ARAP1: variants seen among roughly 807,000 people sequenced by gnomAD.
The protein encoded by ARAP1 is ArfGAP with RhoGAP domain, ankyrin repeat and PH domain 1.
In ARAP1, 76 loss-of-function variants were observed where a neutral mutation model predicts 172.2. The ratio of observed to expected loss-of-function variants is 0.44; its 90% CI spans 0.37 to 0.53. ARAP1 has a LOEUF of 0.53. ARAP1 is among the 20% of genes least tolerant of loss of function. The pLI is 0.00. For missense variants in ARAP1, 1,686 were observed against 1,977.5 expected, an observed-to-expected ratio of 0.85 and a Z score of 2.80; for synonymous variants, 804 against 803.3, an observed-to-expected ratio of 1.00 and a Z score of -0.01.
At chr11:72,685,793 C>A (rs1425020222) in intron 34 of ARAP1, 112 bp from the exon 35 acceptor site, 3 of 1,473,208 alleles carry the variant, frequency 2.0e-6, no homozygotes, top group Non-Finnish European at 2.8e-6. Flanking sequence ...CCGGGGAGCA[C>A]TCCAATCAGC....
At chr11:72,711,382 C>A in intron 8 of ARAP1, 48 bp downstream of exon 8, 1 of 1,586,722 alleles carries the variant, frequency 6.3e-7, no homozygotes, top group African/African-American at 1.3e-5. Context: ...GTGTTGGGGC[C>A]AGCCTAGGCT....
Position 72,693,667 on chromosome 11 carries a change from T to C in ARAP1, c.3808+25A>G, listed in dbSNP as rs552535698. ...CTGGAAGAGAGGACCACCCGGAGCCTGGCCACCCTGCAGGCACCACCTACC... is the reference window on the plus strand; with the variant it reads ...CTGGAAGAGAGGACCACCCGGAGCCCGGCCACCCTGCAGGCACCACCTACC... On this transcript the variant is annotated intron_variant, in intron 28 of 34. Transcript: ENST00000393609. This position sits in a 1 kb window ranked among gnomAD's most constrained non-coding sequence, Gnocchi z 4.6. The C allele has an allele frequency of 1.1e-5, 17 of 1,578,834 alleles. No individual in the cohort carries two copies. In the South Asian group the frequency reaches 1.3e-4, roughly 12 times the overall value.
intron 3 of ARAP1, among the ~76,000 whole-genome samples, chr11:72,722,584 G>T (rs976747086): frequency 2.0e-5 from 3 of 152,224 alleles, no homozygotes; most frequent in South Asian, 2.1e-4. Flanking sequence ...CGCAAGTTCT[G>T]CCCTGGCAAC....
At chr11:72,745,240 G>A (rs895235709) in intron 1 of ARAP1, among the ~76,000 whole-genome samples, 1 of 145,368 alleles carries the variant, frequency 6.9e-6, no homozygotes, top group Non-Finnish European at 1.5e-5. Context: ...CCAGGCTGGA[G>A]TGCAGTGGCT....
intron 1 of ARAP1, among the ~76,000 whole-genome samples, chr11:72,749,606 G>A (rs1362911720): frequency 6.6e-6 from 1 of 151,912 alleles, no homozygotes; most frequent in Admixed American, 6.6e-5. Context: ...TCTCCCAGCC[G>A]GGAGTGGTGG....
rs532055299 is a variant in ARAP1 at position 72,726,995 on chromosome 11, C to T, written c.134G>A (p.Arg45His). Reference protein sequence around the residue: ...ATECQGLSDTRLMDMGMLLPG... With the variant: ...ATECQGLSDTHLMDMGMLLPG... ...GAGTAGCATGCCCATGTCCATCAGGCGGGTGTCGCTGAGGCCTTGGCACTC... is the reference window on the plus strand; with the variant it reads ...GAGTAGCATGCCCATGTCCATCAGGTGGGTGTCGCTGAGGCCTTGGCACTC... Residue 45 changes from arginine to histidine, a missense_variant, in exon 3 of 35, where the codon CGC becomes CAC. Arg to His is a conservative substitution (Grantham distance 29). Coordinates refer to ENST00000393609, the MANE Select transcript of ARAP1 (RefSeq NM_001040118.3). This position sits in a 1 kb window ranked among gnomAD's most constrained non-coding sequence, Gnocchi z 6.5. 44 of 1,605,520 alleles carry T rather than the reference C, an allele frequency of 2.7e-5. No individual in the cohort carries two copies. The highest frequency in any genetic ancestry group is 2.7e-4 in the East Asian group (12 of 44,488).
chr11:72,697,061 C>T lies in ARAP1; in HGVS notation c.3088G>A (p.Ala1030Thr). 4 of 1,610,352 alleles carry T rather than the reference C, an allele frequency of 2.5e-6. No individual in the cohort carries two copies. Among genetic ancestry groups the T allele is most frequent in the Non-Finnish European group, 2.5e-6 (3 of 1,179,942 alleles). The part of the protein sequence containing the change: ...GEQHVDDVSS[A>T]LKRFLRDLPD... ...AGGTCGCGCAGGAAGCGCTTGAGCGCCGAGGAAACATCATCCACGTGCTGC... is the reference window on the plus strand; with the variant it reads ...AGGTCGCGCAGGAAGCGCTTGAGCGTCGAGGAAACATCATCCACGTGCTGC... Residue 1030 changes from alanine (A) to threonine (T), a missense_variant, in exon 22 of 35, where the codon GCG becomes ACG. Physicochemically the swap from Ala to Thr is moderately conservative, Grantham distance 58. Transcript: ENST00000393609.
rs1856932842 is a variant in ARAP1 at position 72,709,891 on chromosome 11, G to A, written c.1502C>T (p.Thr501Ile). The A allele has an allele frequency of 1.2e-6, 2 of 1,614,054 alleles. No homozygotes were observed. The highest frequency in any genetic ancestry group is 3.3e-5 in the Admixed American group (2 of 60,014). ...TCACCTGAAGATGCGGTAGGGCGTGGTGAGGTCGAAGCTGCGCCGGTCCAC... is the reference window on the plus strand; with the variant it reads ...TCACCTGAAGATGCGGTAGGGCGTGATGAGGTCGAAGCTGCGCCGGTCCAC... Reference protein sequence around the residue: ...KEVDRRSFDLTTPYRIFSFSA... With the variant: ...KEVDRRSFDLITPYRIFSFSA... The change falls in exon 11 of 35, where the codon ACC becomes ATC. Residue 501 changes from threonine (T) to isoleucine (I), a missense_variant. By Grantham distance (89) the Thr-to-Ile change is moderately conservative. Around this residue, in one of 5 missense-constraint regions of ARAP1, gnomAD observed 688 missense variants for 856.9 expected, o/e 0.80. Transcript: ENST00000393609.
chr11:72,685,938 G>A (rs1369124933), intron 34 of ARAP1, 104 bp downstream of exon 34: 2 of 1,594,020 alleles, frequency 1.3e-6, no homozygotes, highest in Non-Finnish European at 1.7e-6. Flanking sequence ...GGGGCCGGAG[G>A]GCAATCGGGG....
chr11:72,726,999 T>C lies in ARAP1; in HGVS notation c.130A>G (p.Thr44Ala). The change falls in exon 3 of 35, where the codon ACC becomes GCC. Residue 44 changes from threonine (T) to alanine (A), a missense_variant. Physicochemically the swap from Thr to Ala is moderately conservative, Grantham distance 58 (BLOSUM62 0). Around this residue, in one of 5 missense-constraint regions of ARAP1, gnomAD observed 190 missense variants for 228.6 expected, o/e 0.83. Coordinates refer to ENST00000393609, the MANE Select transcript of ARAP1 (RefSeq NM_001040118.3). This position sits in a 1 kb window ranked among gnomAD's most constrained non-coding sequence, Gnocchi z 6.5. ...WATECQGLSD[T>A]RLMDMGMLLP... ...AGCATGCCCATGTCCATCAGGCGGG[T>C]GTCGCTGAGGCCTTGGCACTCAGTG... 1 of 1,605,552 alleles carries C rather than the reference T, an allele frequency of 6.2e-7. No homozygotes were observed. The highest frequency in any genetic ancestry group is 8.5e-7 in the Non-Finnish European group (1 of 1,176,412).
chr11:72,750,258 G>A (rs1029997478), intron 1 of ARAP1, among the ~76,000 whole-genome samples: 2 of 152,166 alleles, frequency 1.3e-5, no homozygotes, highest in Non-Finnish European at 2.9e-5. Flanking sequence ...AGTGAGGGGC[G>A]GGGGGCCAGG....
rs1856945783 is a variant in ARAP1 at position 72,710,129 on chromosome 11, A to G, written c.1417-153T>C. Reference sequence around the variant, plus strand: ...GGGACATGGGAGGCTGGGCAGGGTAAGGGGCTGCAGGTTCAGGGCCCACAC... The same window carrying G: ...GGGACATGGGAGGCTGGGCAGGGTAGGGGGCTGCAGGTTCAGGGCCCACAC... On this transcript the variant is annotated intron_variant, in intron 10 of 34. Coordinates refer to ENST00000393609, the MANE Select transcript of ARAP1 (RefSeq NM_001040118.3). The surrounding 1 kb of genome is among the most constrained non-coding windows in gnomAD (Gnocchi z 4.3). Among the ~76,000 whole-genome samples the G allele has an allele frequency of 6.6e-6, 1 of 150,650 alleles. No homozygotes were observed. The highest frequency in any genetic ancestry group is 1.5e-5 in the Non-Finnish European group (1 of 67,696).
intron 5 of ARAP1, 162 bp from the exon 6 acceptor site, chr11:72,712,730 A>C: frequency 8.6e-7 from 1 of 1,163,620 alleles, no homozygotes; most frequent in Non-Finnish European, 1.2e-6. Flanking sequence ...CGGAGACCAC[A>C]CAGAGACCCA....
chr11:72,709,805 TCG>T, intron 11 of ARAP1, 63 bp downstream of exon 11: 1 of 1,554,212 alleles, frequency 6.4e-7, no homozygotes, highest in South Asian at 1.1e-5. Context: ...GCTTCCCACG[TCG>T]CGCAAAAGGA....
At position 72,695,545 on chromosome 11, in the gene ARAP1, G is replaced by C. The variant is rs765555817; in HGVS notation, c.3504C>G (p.Thr1168=). ...KMRVAGTASG[T]QHAGDFICTV... is the part of the protein sequence containing the mutation. ...CCACCCAGGCTCCAGCCTTCACCTG[G>C]GTCCCACTGGCAGTGCCAGCCACGC... Residue 1168 remains threonine, a synonymous_variant, in exon 25 of 35, where the codon ACC becomes ACG. Coordinates refer to ENST00000393609, the MANE Select transcript of ARAP1 (RefSeq NM_001040118.3). This position sits in a 1 kb window ranked among gnomAD's most constrained non-coding sequence, Gnocchi z 4.4. The C allele has an allele frequency of 6.2e-7, 1 of 1,614,120 alleles. No homozygotes were observed. The highest frequency in any genetic ancestry group is 1.1e-5 in the South Asian group (1 of 91,082).
intron 2 of ARAP1, among the ~76,000 whole-genome samples, chr11:72,732,119 T>A (rs2135578551): frequency 6.6e-6 from 1 of 152,314 alleles, no homozygotes; most frequent in Non-Finnish European, 1.5e-5. Context: ...CCCTTCTGTA[T>A]CTTTTAAATT....
At chr11:72,739,516 C>A (rs994938004) in intron 1 of ARAP1, among the ~76,000 whole-genome samples, 8 of 152,186 alleles carry the variant, frequency 5.3e-5, no homozygotes, top group African/African-American at 1.4e-4. Context: ...GGGCCCCCTC[C>A]CCACCCAGTA....
chr11:72,709,138 A>G (rs1856898919), intron 11 of ARAP1, among the ~76,000 whole-genome samples: 1 of 151,762 alleles, frequency 6.6e-6, no homozygotes, highest in South Asian at 2.1e-4. Flanking sequence ...AAAAGGGGAG[A>G]TGCCCACAGC....
At chr11:72,728,631 C>G (rs1857769743) in intron 2 of ARAP1, among the ~76,000 whole-genome samples, 1 of 152,024 alleles carries the variant, frequency 6.6e-6, no homozygotes, top group Non-Finnish European at 1.5e-5. Flanking sequence ...ATTAATATAA[C>G]AGAAATCAAC....
Sources: gnomAD v4.1 joint callset for allele counts (sites outside exome capture counted in the v4.1 genomes callset) on GRCh38, gnomAD v4.1.1 for gene constraint, gnomAD v4.1.1 regional missense constraint, Gnocchi (gnomAD v3.1) non-coding constraint, MANE v1.5 for transcripts, NCBI Gene and HGNC (gene_info 2026-07-23, HGNC 2026-07-21) for gene names.